TENM2: variants seen among roughly 807,000 people sequenced by gnomAD.
TENM2 encodes teneurin transmembrane protein 2.
Under a neutral mutation model 245.2 loss-of-function variants are expected in TENM2, and 52 were observed. The ratio of observed to expected loss-of-function variants is 0.21; its 90% CI spans 0.17 to 0.27. The LOEUF is 0.27. Among genes scored for constraint, TENM2 ranks in the 10% least tolerant of loss-of-function variants. TENM2 has a pLI of 1.00. For missense variants in TENM2, 3,046 were observed against 3,666.8 expected, an observed-to-expected ratio of 0.83 and a Z score of 4.37; for synonymous variants, 1,363 against 1,438.9, an observed-to-expected ratio of 0.95 and a Z score of 1.19.
chr5:167,990,611 G>A (rs1254474875), intron 4 of TENM2, among the ~76,000 whole-genome samples: 1 of 152,152 alleles, frequency 6.6e-6, no homozygotes, highest in Admixed American at 6.5e-5. Context: ...CTACAATGCT[G>A]TCATGAACAC....
At chr5:168,081,992 G>A (rs568229727) in intron 7 of TENM2, among the ~76,000 whole-genome samples, 79 of 152,202 alleles carry the variant, frequency 5.2e-4, no homozygotes, top group Non-Finnish European at 1.1e-3. Flanking sequence ...TGCTAGGTTG[G>A]GAAAGTTCTC....
At chr5:167,364,047 A>G (rs993796765) in intron 1 of TENM2, among the ~76,000 whole-genome samples, 2 of 152,136 alleles carry the variant, frequency 1.3e-5, no homozygotes, top group African/African-American at 4.8e-5. Context: ...CTGCACAGAG[A>G]GAAAAGACAT....
At chr5:167,244,737 GTGGTGTC>G in the TENM2 span, among the ~76,000 whole-genome samples, 1 of 152,132 alleles carries the variant, frequency 6.6e-6, no homozygotes, top group East Asian at 1.9e-4. Flanking sequence ...GAGGCTGTGA[GTGGTGTC>G]TCTCAGTCTC....
rs147986532 is a variant in TENM2, at chr5:168,018,640, A to C, written c.1186+25458A>C. 2.4e-3 allele frequency among the ~76,000 whole-genome samples: 359 copies of C among 152,276 alleles called. 4 individuals carry two copies. The highest frequency in any genetic ancestry group is 7.9e-3 in the African/African-American group (328 of 41,556). On this transcript the variant is annotated intron_variant, in intron 5 of 28. Coordinates refer to ENST00000518659, the Ensembl canonical transcript of TENM2. Reference sequence around the variant, plus strand: ...GAGAGAGGAGAGGGTAAATGAATTCAGAAAATAGAGCTAGCCTGGAAACTG... The same window carrying C: ...GAGAGAGGAGAGGGTAAATGAATTCCGAAAATAGAGCTAGCCTGGAAACTG...
At position 168,203,601 on chromosome 5, in the gene TENM2, G is replaced by A. The variant is rs537728088; in HGVS notation, c.3431-88G>A. The A allele has an allele frequency of 6.2e-5, 84 of 1,356,432 alleles. 1 individual carries two copies. The South Asian group carries it at 9.2e-4, about 15-fold the overall frequency. 84.0% of individuals were successfully genotyped at this position (1,356,432 alleles called of 1,614,324 possible). A position where few individuals can be genotyped will look rare whatever the true frequency, so the allele number is the denominator to read the frequency against. On this transcript the variant is annotated intron_variant, in intron 17 of 28. Coordinates refer to ENST00000518659, the Ensembl canonical transcript of TENM2. Reference sequence around the variant, plus strand: ...ACAGAATCTGTATTACTGCGAACACGTGCTTCTCATTCTTGCTACAGAGCT... The same window carrying A: ...ACAGAATCTGTATTACTGCGAACACATGCTTCTCATTCTTGCTACAGAGCT...
At chr5:167,185,811 T>C in the TENM2 span, among the ~76,000 whole-genome samples, 1 of 152,200 alleles carries the variant, frequency 6.6e-6, no homozygotes, top group Non-Finnish European at 1.5e-5. Context: ...CTTTGGTGTG[T>C]CTTTGCGGGG....
the TENM2 span, among the ~76,000 whole-genome samples, chr5:167,050,271 T>G: frequency 6.6e-6 from 1 of 152,160 alleles, no homozygotes; most frequent in Non-Finnish European, 1.5e-5. Flanking sequence ...GCAGAGGCAT[T>G]ACATTCTCAT....
intron 2 of TENM2, among the ~76,000 whole-genome samples, chr5:167,698,081 A>G (rs183094358): frequency 2.0e-4 from 30 of 152,308 alleles, no homozygotes; most frequent in Non-Finnish European, 3.2e-4. Flanking sequence ...AGAGAAATTT[A>G]TCTTTTCCTT....
intron 2 of TENM2, among the ~76,000 whole-genome samples, chr5:167,383,024 G>C (rs1021517227): frequency 2.0e-5 from 3 of 151,986 alleles, no homozygotes; most frequent in Non-Finnish European, 4.4e-5. Flanking sequence ...GGGGTGGGGG[G>C]ACTTATTTCT....
rs1247019145 is a variant in TENM2 at position 167,307,946 on chromosome 5, T to C, written c.226+22883T>C. 2.6e-5 allele frequency: 4 copies of C among 152,406 alleles called. No individual in the cohort carries two copies. In the East Asian group the frequency reaches 5.8e-4, roughly 22 times the overall value. 9.4% of individuals were successfully genotyped at this position (152,406 alleles called of 1,614,324 possible). Reference sequence around the variant, plus strand: ...TAGTCACCTCCTCACCCTTGTTAAGTGATGGGGTGGGCCATTCTCTGCCTG... The same window carrying C: ...TAGTCACCTCCTCACCCTTGTTAAGCGATGGGGTGGGCCATTCTCTGCCTG... On this transcript the variant is annotated intron_variant, in intron 1 of 28. Coordinates refer to ENST00000518659, the Ensembl canonical transcript of TENM2.
At chr5:167,390,640 T>C (rs1056226013) in intron 2 of TENM2, among the ~76,000 whole-genome samples, 1 of 152,136 alleles carries the variant, frequency 6.6e-6, no homozygotes, top group Non-Finnish European at 1.5e-5. Flanking sequence ...ATAATAAGCA[T>C]ATGGCTCTGC....
chr5:167,124,343 G>T, the TENM2 span, among the ~76,000 whole-genome samples: 6 of 152,232 alleles, frequency 3.9e-5, no homozygotes, highest in South Asian at 1.2e-3. Context: ...ACAGCAATTT[G>T]TTGGTGTTGT....
the TENM2 span, among the ~76,000 whole-genome samples, chr5:167,143,075 AT>A: frequency 1.3e-5 from 2 of 152,146 alleles, no homozygotes. Context: ...CACACTGTCC[AT>A]TTGCTTGGTG....
intron 2 of TENM2, among the ~76,000 whole-genome samples, chr5:167,549,937 C>T (rs1421613631): frequency 6.6e-6 from 1 of 152,064 alleles, no homozygotes; most frequent in Non-Finnish European, 1.5e-5. Context: ...GAAAATGGCT[C>T]ACTTGGAAGG....
intron 8 of TENM2, 22 bp downstream of exon 10, chr5:168,090,791 T>C (rs1792874764): frequency 1.3e-6 from 2 of 1,592,328 alleles, no homozygotes; most frequent in African/African-American, 1.3e-5. Flanking sequence ...GTCTCTGAGA[T>C]GGTACGCCAT....
chr5:167,014,747 C>T, the TENM2 span, among the ~76,000 whole-genome samples: 38 of 152,308 alleles, frequency 2.5e-4, no homozygotes, highest in Admixed American at 5.2e-4. Context: ...CACACCCACT[C>T]TTCTTTCCAG....
At chr5:168,248,364 C>T (rs372175937) in exon 27 of TENM2, 80 of 1,611,470 alleles carry the variant, frequency 5.0e-5, no homozygotes, top group African/African-American at 9.3e-5. Context: ...TGAAGAACTA[C>T]GTGACAGGTG....
At chr5:167,570,831 T>C (rs980622641) in intron 2 of TENM2, among the ~76,000 whole-genome samples, 11 of 152,318 alleles carry the variant, frequency 7.2e-5, no homozygotes, top group South Asian at 4.1e-4. Flanking sequence ...AAGTTATTGG[T>C]AATTGAATGA....
intron 2 of TENM2, among the ~76,000 whole-genome samples, chr5:167,679,806 A>G (rs1756579161): frequency 6.6e-6 from 1 of 152,180 alleles, no homozygotes; most frequent in Non-Finnish European, 1.5e-5. Flanking sequence ...AAAAAAAGGA[A>G]GGCTGAACCT....
Sources: allele counts gnomAD v4.1 joint callset (sites outside exome capture counted in the v4.1 genomes callset), GRCh38; gene constraint gnomAD v4.1.1; transcripts MANE v1.5; gene names NCBI Gene and HGNC (gene_info 2026-07-23, HGNC 2026-07-21).